The following POU6F2 variants were observed in gnomAD, a reference collection of about 807,000 sequenced individuals.
The protein encoded by POU6F2 is POU class 6 homeobox 2, also known as POU domain, class 6, transcription factor 2.
POU6F2 carries 31 observed loss-of-function variants against 71.3 expected under a neutral mutation model. That is an observed-to-expected ratio of 0.43 (90% CI 0.33 to 0.59). POU6F2 has a LOEUF of 0.59. POU6F2 is among the 20% of genes least tolerant of loss of function. The pLI is 0.04. For missense variants in POU6F2, 783 were observed against 856.8 expected, an observed-to-expected ratio of 0.91 and a Z score of 1.07; for synonymous variants, 347 against 355.7, an observed-to-expected ratio of 0.98 and a Z score of 0.27.
At chr7:39,409,335 G>T (rs910579172) in intron 6 of POU6F2, among the ~76,000 whole-genome samples, 3 of 152,174 alleles carry the variant, frequency 2.0e-5, no homozygotes, top group Non-Finnish European at 4.4e-5. Context: ...GTGAGGTTAG[G>T]TCTGTTGAGA....
chr7:38,989,746 T>TAC (rs554469284), intron 1 of POU6F2, among the ~76,000 whole-genome samples: 1,566 of 151,890 alleles, frequency 0.01, 29 homozygotes, highest in African/African-American at 0.035. Flanking sequence ...TATATATATA[T>TAC]AGAAAGAGAG....
chr7:39,441,695 T>C (rs2876838), intron 7 of POU6F2, among the ~76,000 whole-genome samples: 48,857 of 152,102 alleles, frequency 0.32, 8,602 homozygotes, highest in East Asian at 0.52. Flanking sequence ...AATTCCTCTG[T>C]TTCTCTGTTA....
intron 1 of POU6F2, 137 bp from the exon 2 acceptor site, chr7:39,085,723 A>G (rs1022073615): frequency 1.1e-6 from 1 of 882,884 alleles, no homozygotes; most frequent in African/African-American, 1.7e-5. Context: ...GAGCAGCCAG[A>G]GATAAGAGAG....
chr7:39,240,189 G>A (rs1004676660), intron 4 of POU6F2, among the ~76,000 whole-genome samples: 6 of 152,042 alleles, frequency 3.9e-5, no homozygotes, highest in East Asian at 1.9e-4. Flanking sequence ...TGTTTGTACC[G>A]GAATTAAGGT....
Position 39,406,728 on chromosome 7 carries a change from T to C in POU6F2, c.1101T>C (p.Asn367=), listed in dbSNP as rs1295293630. ...GGGTCACAGGTCAACTAGTTACTAA[T>C]GCACAAGGACAGGTGAGTGGGAGAT... ...LQGVTGQLVT[N]AQGQIIGTIP... is the part of the protein sequence containing the mutation. The change falls in exon 6 of 10, where the codon AAT becomes AAC. Residue 367 remains asparagine (N), a synonymous_variant. Transcript: ENST00000518318. 2 of 1,613,570 alleles carry C rather than the reference T, an allele frequency of 1.2e-6. No individual in the cohort carries two copies. Among genetic ancestry groups the C allele is most frequent in the Non-Finnish European group, 1.7e-6 (2 of 1,179,864 alleles).
In POU6F2 at chr7:39,160,380, C is replaced by T. The variant is rs565529755; in HGVS notation, c.278-43855C>T. 2.0e-5 allele frequency among the ~76,000 whole-genome samples: 3 copies of T among 152,202 alleles called. No homozygotes were observed. In the South Asian group the frequency reaches 6.2e-4, roughly 32 times the overall value. On this transcript the variant is annotated intron_variant, in intron 2 of 9. Coordinates refer to ENST00000518318, the MANE Select transcript of POU6F2 (RefSeq NM_001370959.1). ...CAGTCCGTCTTGTACTTTTCCGTCC[C>T]ACAGACACTCTTCTGGTTTCTTCTA...
chr7:39,339,808 G>T lies in POU6F2; in HGVS notation c.765G>T (p.Gln255His). ...AGCCGCTGCAGCCCACCCCACCCCA[G>T]CAGCCACCACCCGCCTCTCAGCAGC... ...QQQPLQPTPP[Q>H]QPPPASQQPP... Residue 255 changes from glutamine (Q) to histidine (H), a missense_variant, in exon 5 of 10, where the codon CAG becomes CAT. Gln to His is a conservative substitution (Grantham distance 24, BLOSUM62 0). Around this residue, in one of 2 missense-constraint regions of POU6F2, gnomAD observed 572 missense variants for 572.9 expected, o/e 1.00. Coordinates refer to ENST00000518318, the MANE Select transcript of POU6F2 (RefSeq NM_001370959.1). 1 of 1,561,006 alleles carries T rather than the reference G, an allele frequency of 6.4e-7. No homozygotes were observed. Among genetic ancestry groups the T allele is most frequent in the Non-Finnish European group, 8.7e-7 (1 of 1,154,190 alleles).
chr7:39,245,381 C>G (rs576103451), intron 4 of POU6F2, among the ~76,000 whole-genome samples: 2 of 152,150 alleles, frequency 1.3e-5, no homozygotes, highest in Admixed American at 1.3e-4. Context: ...CACTTTTACA[C>G]CTAGGCATTG....
chr7:39,052,429 C>A (rs2128714136), intron 1 of POU6F2, among the ~76,000 whole-genome samples: 1 of 152,174 alleles, frequency 6.6e-6, no homozygotes, highest in African/African-American at 2.4e-5. Flanking sequence ...ATGATCATGG[C>A]AGAAGACACC....
Position 39,085,915 on chromosome 7 carries a change from T to A in POU6F2, c.161T>A (p.Met54Lys), listed in dbSNP as rs199673767. Residue 54 changes from methionine to lysine, a missense_variant, in exon 2 of 10, where the codon ATG becomes AAG. This residue lies in a region of POU6F2 where 572 missense variants were observed against 572.9 expected (regional missense o/e 1.00). Transcript: ENST00000518318. ...SKPLLSVRSE[M>K]NAELRGEDKA... ...CCCTTGCTGTCAGTGCGGAGTGAAA[T>A]GAATGCGGAGTTGAGAGGTGAGGAC... is the stretch of plus-strand genomic sequence containing the variant. The A allele has an allele frequency of 6.2e-6, 10 of 1,613,302 alleles. No homozygotes were observed. In the East Asian group the frequency reaches 2.0e-4, roughly 32 times the overall value.
chr7:39,010,008 G>T (rs1036749378), intron 1 of POU6F2, among the ~76,000 whole-genome samples: 1 of 151,162 alleles, frequency 6.6e-6, no homozygotes, highest in Non-Finnish European at 1.5e-5. Context: ...TCTCTGCCAG[G>T]CTTTGGTATC....
chr7:39,464,906 T>A lies in POU6F2; in HGVS notation c.*220T>A. The A allele has an allele frequency of 1.6e-6, 1 of 632,162 alleles. No individual in the cohort carries two copies. Among genetic ancestry groups the A allele is most frequent in the Non-Finnish European group, 2.6e-6 (1 of 384,522 alleles). 39.2% of individuals were successfully genotyped at this position (632,162 alleles called of 1,614,324 possible). On this transcript the variant is annotated 3_prime_UTR_variant, in exon 10 of 10. Coordinates refer to ENST00000518318, the MANE Select transcript of POU6F2 (RefSeq NM_001370959.1). This position sits in a 1 kb window ranked among gnomAD's most constrained non-coding sequence, Gnocchi z 4.1. ...AGGAAAGAAGAAAATTTTTAGAAAA[T>A]TTTTAAACAAGGAATACACCACACT...
At position 39,016,017 on chromosome 7, in the gene POU6F2, T is replaced by G. The variant is rs866016847; in HGVS notation, c.105+37959T>G. ...ATATATAGATATATATTATATATTA[T>G]ATATATTATATATAGATATATATTA... On this transcript the variant is annotated intron_variant, in intron 1 of 9. Transcript: ENST00000518318. Among the ~76,000 whole-genome samples the G allele has an allele frequency of 6.2e-3, 471 of 76,008 alleles. 63 individuals are homozygous for G. Among genetic ancestry groups the G allele is most frequent in the Non-Finnish European group, 0.01 (412 of 40,358 alleles). 49.9% of individuals were successfully genotyped at this position (76,008 alleles called of 152,430 possible).
At chr7:39,122,960 G>T (rs1262050947) in intron 2 of POU6F2, among the ~76,000 whole-genome samples, 1 of 152,080 alleles carries the variant, frequency 6.6e-6, no homozygotes, top group Non-Finnish European at 1.5e-5. Context: ...AAAGTGCTGG[G>T]ATTACAGGCA....
chr7:39,304,222 A>G (rs1562783259), intron 4 of POU6F2, among the ~76,000 whole-genome samples: 1 of 152,354 alleles, frequency 6.6e-6, no homozygotes, highest in Non-Finnish European at 1.5e-5. Context: ...TACCTTTAAT[A>G]TATAAAGAAA....
At chr7:39,178,952 G>T (rs1300063284) in intron 2 of POU6F2, among the ~76,000 whole-genome samples, 2 of 152,094 alleles carry the variant, frequency 1.3e-5, no homozygotes, top group Non-Finnish European at 2.9e-5. Flanking sequence ...GTGAATAAAA[G>T]CTGCTTTTTT....
intron 9 of POU6F2, among the ~76,000 whole-genome samples, chr7:39,462,388 G>C (rs1027365979): frequency 6.6e-6 from 1 of 152,208 alleles, no homozygotes; most frequent in Non-Finnish European, 1.5e-5. Context: ...TGAATTCAAA[G>C]GGTGGTGAGG....
At chr7:39,155,011 C>T (rs1242933059) in intron 2 of POU6F2, among the ~76,000 whole-genome samples, 1 of 151,990 alleles carries the variant, frequency 6.6e-6, no homozygotes, top group Non-Finnish European at 1.5e-5. Flanking sequence ...ATAAAATGAT[C>T]CCGGTACACA....
At chr7:39,338,262 T>G (rs182849540) in intron 4 of POU6F2, among the ~76,000 whole-genome samples, 73 of 152,328 alleles carry the variant, frequency 4.8e-4, no homozygotes, top group Non-Finnish European at 8.8e-4. Context: ...CTCCCACATC[T>G]TTGATAAAAT....
Sources: gnomAD v4.1 joint callset for allele counts (sites outside exome capture counted in the v4.1 genomes callset) on GRCh38, gnomAD v4.1.1 for gene constraint, gnomAD v4.1.1 regional missense constraint, Gnocchi (gnomAD v3.1) non-coding constraint, MANE v1.5 for transcripts, NCBI Gene and HGNC (gene_info 2026-07-23, HGNC 2026-07-21) for gene names.